Variants in NGDN observed in about 807,000 individuals in gnomAD.
NGDN encodes EIF4E-binding protein.
In NGDN, 41 loss-of-function variants were observed where a neutral mutation model predicts 45.2. That is an observed-to-expected ratio of 0.91 (90% CI 0.71 to 1.18). NGDN has a LOEUF of 1.18. Ranked by LOEUF, NGDN falls within the 50% of genes most tolerant of loss-of-function variation. The pLI, the probability that NGDN is intolerant of heterozygous loss-of-function variation, is 0.00. For synonymous variants in NGDN, 137 were observed against 130.9 expected (o/e 1.05, Z -0.32); for missense variants, 402 against 399.9 (o/e 1.01, Z -0.05).
intron 6 of NGDN, 68 bp from the exon 7 acceptor site, chr14:23,475,961 G>T: frequency 6.2e-7 from 1 of 1,600,052 alleles, no homozygotes; most frequent in Non-Finnish European, 8.6e-7. Context: ...GGGTACTCCA[G>T]CTTTGGGTTT....
At chr14:23,469,907 C>A in intron 1 of NGDN, 135 bp from the exon 2 acceptor site, 1 of 1,239,816 alleles carries the variant, frequency 8.1e-7, no homozygotes. Flanking sequence ...TAAGGCGAGT[C>A]TGTGAACCCG....
chr14:23,470,944 A>G lies in NGDN; in HGVS notation c.111A>G (p.Gln37=), dbSNP rs141340345. ...CTGCACAAGTGAAATCACTGACACA[A>G]AAAGTTCAAGCTGGTGCCTATCCTA... ...AVTAQVKSLT[Q]KVQAGAYPTE... is the part of the protein sequence containing the mutation. Residue 37 remains glutamine, a synonymous_variant, in exon 3 of 11, where the codon CAA becomes CAG. Transcript: ENST00000408901. 5.6e-4 allele frequency: 878 copies of G among 1,555,614 alleles called. No homozygotes were observed. Among genetic ancestry groups the G allele is most frequent in the Non-Finnish European group, 7.1e-4 (823 of 1,156,642 alleles).
At chr14:23,475,124 T>C (rs995531047) in intron 3 of NGDN, 47 bp from the exon 4 acceptor site, 2 of 1,577,000 alleles carry the variant, frequency 1.3e-6, no homozygotes, top group African/African-American at 1.4e-5. Flanking sequence ...CATCTGGTTC[T>C]TTGGCTAAAA....
Position 23,478,066 on chromosome 14 carries a change from G to A in NGDN, c.*40G>A. The A allele has an allele frequency of 6.3e-7, 1 of 1,589,300 alleles. No individual in the cohort carries two copies. Among genetic ancestry groups the A allele is most frequent in the Non-Finnish European group, 8.6e-7 (1 of 1,157,534 alleles). ...ATTTGTATATTTTTTGTCATCCTGA[G>A]ATACTTCTAATTTCATTGTATATAG... On this transcript the variant is annotated 3_prime_UTR_variant, in exon 11 of 11. Coordinates refer to ENST00000408901, the MANE Select transcript of NGDN (RefSeq NM_001042635.2).
At chr14:23,471,073 G>C (rs746237842) in intron 3 of NGDN, 96 bp downstream of exon 3, 2 of 797,020 alleles carry the variant, frequency 2.5e-6, no homozygotes, top group African/African-American at 1.8e-5. Context: ...CTAAGTGCTC[G>C]AGCTTCAAAC....
At chr14:23,471,026 A>G (rs1893765024) in intron 3 of NGDN, 49 bp downstream of exon 3, 1 of 1,252,804 alleles carries the variant, frequency 8.0e-7, no homozygotes. Context: ...TGTTCTCAGT[A>G]GTTCTTTCAT....
At chr14:23,474,569 A>AT (rs1211006545) in intron 3 of NGDN, among the ~76,000 whole-genome samples, 1 of 36,180 alleles carries the variant, frequency 2.8e-5, no homozygotes, top group Non-Finnish European at 8.4e-5. Flanking sequence ...TATTCATCAT[A>AT]TCCCCCCCTA....
downstream of NGDN, chr14:23,478,241 G>T: frequency 4.4e-6 from 2 of 454,952 alleles, no homozygotes; most frequent in Non-Finnish European, 3.8e-6. Context: ...TTTGGTGAGT[G>T]GTTGGTGAAA....
chr14:23,477,703 A>G (rs576527505), intron 10 of NGDN, 143 bp downstream of exon 10: 52 of 1,475,326 alleles, frequency 3.5e-5, no homozygotes, highest in Middle Eastern at 1.8e-4. Context: ...GTGGGCTTTT[A>G]TTTTTTGCTT....
intron 9 of NGDN, 50 bp from the exon 10 acceptor site, chr14:23,477,453 T>C (rs1446016787): frequency 5.0e-6 from 8 of 1,613,030 alleles, no homozygotes; most frequent in Middle Eastern, 1.7e-4. Context: ...GAAGGGATGC[T>C]GGCTCTCAGA....
intron 6 of NGDN, 109 bp from the exon 7 acceptor site, chr14:23,475,919 CT>C (rs1893890863): frequency 2.0e-6 from 3 of 1,492,882 alleles, no homozygotes; most frequent in East Asian, 2.3e-5. Flanking sequence ...TTGAGATTCC[CT>C]TTTTTCCCTT....
rs748040534 is a variant in NGDN, at chr14:23,475,706, C to A, written c.368-20C>A. On this transcript the variant is annotated intron_variant, in intron 5 of 10. Transcript: ENST00000408901. The stretch of plus-strand genomic sequence containing the variant: ...AGAAAGTTCCAAATTTTGTAAAATT[C>A]ATTGGGTTATTTATTTCAGGTGAGA... 1.2e-6 allele frequency: 2 copies of A among 1,613,816 alleles called. No homozygotes were observed. Among genetic ancestry groups the A allele is most frequent in the East Asian group, 2.2e-5 (1 of 44,892 alleles).
At chr14:23,472,377 G>C (rs915428436) in intron 3 of NGDN, among the ~76,000 whole-genome samples, 5 of 152,014 alleles carry the variant, frequency 3.3e-5, no homozygotes, top group African/African-American at 1.2e-4. Context: ...GTGCCTGTCT[G>C]TAATCCCGGT....
In NGDN at chr14:23,476,043, TGAG is replaced by T. The variant is rs768485622; in HGVS notation, c.441_443del (p.Glu148del). ...TTCTTTTGTAGTTGAGCTCTGAGGA[TGAG>T]GAGGAAGATGAAGCAGAAGATGACC... On this transcript the variant is annotated inframe_deletion, in exon 7 of 11. Coordinates refer to ENST00000408901, the MANE Select transcript of NGDN (RefSeq NM_001042635.2). 6.2e-7 allele frequency: 1 copy of T among 1,614,164 alleles called. No individual in the cohort carries two copies. Among genetic ancestry groups the T allele is most frequent in the Non-Finnish European group, 8.5e-7 (1 of 1,180,032 alleles).
At chr14:23,477,771 G>A in intron 10 of NGDN, 3 of 1,455,402 alleles carry the variant, frequency 2.1e-6, no homozygotes, top group Non-Finnish European at 2.7e-6. Flanking sequence ...TGCCTCTAAG[G>A]TCCCACAGCT....
downstream of NGDN, chr14:23,478,727 GACCCCC>G (rs1358561098): frequency 8.7e-5 from 3 of 34,600 alleles, no homozygotes; most frequent in African/African-American, 2.5e-4. Flanking sequence ...TTCAGACTCT[GACCCCC>G]ACCCCCCCGC....
chr14:23,475,257 A>C lies in NGDN; in HGVS notation c.231A>C (p.Gly77=). 6.2e-7 allele frequency: 1 copy of C among 1,614,104 alleles called. No homozygotes were observed. Among genetic ancestry groups the C allele is most frequent in the Non-Finnish European group, 8.5e-7 (1 of 1,179,946 alleles). Residue 77 remains glycine (G), a synonymous_variant, in exon 4 of 11, where the codon GGA becomes GGC. Transcript: ENST00000408901. ...ACCTCATTCTGGACAAAGCCTCAGG[A>C]GGATCTCTTCAGGGACATGATGCAG... ...LTHLILDKAS[G]GSLQGHDAVL...
At chr14:23,469,798 A>G in intron 1 of NGDN, 71 bp downstream of exon 1, 4 of 1,589,922 alleles carry the variant, frequency 2.5e-6, no homozygotes, top group Admixed American at 1.7e-5. Flanking sequence ...GGCTGGAGGC[A>G]AACTGTTGGT....
chr14:23,475,455 T>C (rs1475211382), intron 4 of NGDN, 103 bp from the exon 5 acceptor site: 2 of 1,380,288 alleles, frequency 1.4e-6, no homozygotes, highest in East Asian at 2.3e-5. Flanking sequence ...TGCTCTACTT[T>C]GTACATATTT....
Sources: gnomAD v4.1 joint callset for allele counts (sites outside exome capture counted in the v4.1 genomes callset) on GRCh38, gnomAD v4.1.1 for gene constraint, MANE v1.5 for transcripts, NCBI Gene and HGNC (gene_info 2026-07-23, HGNC 2026-07-21) for gene names.